MSRA: variants seen among roughly 807,000 people sequenced by gnomAD.
MSRA encodes the protein mitochondrial peptide methionine sulfoxide reductase.
A neutral mutation model predicts 31.3 loss-of-function variants in MSRA; 54 were observed. That is an observed-to-expected ratio of 1.73 (90% CI 1.39 to 2.17). The LOEUF (loss-of-function observed/expected upper bound fraction) is 2.17, where lower values mean the gene tolerates loss of function less well. MSRA is among the 30% of genes most tolerant of loss of function. MSRA has a pLI of 0.00. For synonymous variants in MSRA, 169 were observed against 116.5 expected (o/e 1.45, Z -2.90); for missense variants, 507 against 300.9 (o/e 1.69, Z -5.07).
chr8:10,159,188 G>A (rs1371333294), intron 1 of MSRA, among the ~76,000 whole-genome samples: 1 of 152,200 alleles, frequency 6.6e-6, no homozygotes, highest in Non-Finnish European at 1.5e-5. Context: ...GTAAGAATTT[G>A]TGATTGGTCA....
intron 5 of MSRA, among the ~76,000 whole-genome samples, chr8:10,384,628 G>T (rs917780213): frequency 6.6e-6 from 1 of 152,194 alleles, no homozygotes; most frequent in Non-Finnish European, 1.5e-5. Context: ...GAAGCTTCCA[G>T]GTGTTTTCAG....
At chr8:10,355,237 G>C (rs1477074952) in intron 5 of MSRA, among the ~76,000 whole-genome samples, 1 of 152,182 alleles carries the variant, frequency 6.6e-6, no homozygotes, top group Non-Finnish European at 1.5e-5. Context: ...AGTTTGCATG[G>C]AAGTGCTGAG....
intron 3 of MSRA, among the ~76,000 whole-genome samples, chr8:10,275,509 C>A (rs1799275639): frequency 6.6e-6 from 1 of 152,196 alleles, no homozygotes; most frequent in Non-Finnish European, 1.5e-5. Context: ...CTCTGTACAG[C>A]CTCTTTATTG....
intron 1 of MSRA, among the ~76,000 whole-genome samples, chr8:10,113,789 T>G (rs1444767919): frequency 1.3e-5 from 2 of 152,002 alleles, no homozygotes; most frequent in African/African-American, 4.8e-5. Context: ...AAAAAAAGAT[T>G]ATTAATTGTT....
chr8:10,091,426 G>A (rs1798847531), intron 1 of MSRA, among the ~76,000 whole-genome samples: 1 of 152,098 alleles, frequency 6.6e-6, no homozygotes, highest in Non-Finnish European at 1.5e-5. Flanking sequence ...AGGCCAAATA[G>A]TATTCCGTTT....
intron 3 of MSRA, among the ~76,000 whole-genome samples, chr8:10,294,331 A>C (rs986360509): frequency 2.0e-5 from 3 of 152,230 alleles, no homozygotes; most frequent in Non-Finnish European, 2.9e-5. Flanking sequence ...CGCTGCCATG[A>C]AGAAAGGTGA....
intron 1 of MSRA, 106 bp downstream of exon 1, chr8:10,054,764 G>T (rs1802220436): frequency 1.6e-6 from 2 of 1,259,804 alleles, no homozygotes; most frequent in East Asian, 3.3e-5. Flanking sequence ...GGCTGGCCTC[G>T]GGCGGGTCGC....
chr8:10,162,864 G>A (rs183680689), intron 1 of MSRA, among the ~76,000 whole-genome samples: 55 of 152,218 alleles, frequency 3.6e-4, no homozygotes, highest in Middle Eastern at 3.4e-3. Flanking sequence ...AGCCCTCCCC[G>A]CCTCAGCCAC....
chr8:10,129,110 C>T (rs1050251181), intron 1 of MSRA, among the ~76,000 whole-genome samples: 3 of 152,170 alleles, frequency 2.0e-5, no homozygotes, highest in Admixed American at 6.5e-5. Flanking sequence ...TTGATGATTC[C>T]ATCATCCAGA....
At chr8:10,128,438 G>T (rs758982672) in intron 1 of MSRA, among the ~76,000 whole-genome samples, 1 of 151,928 alleles carries the variant, frequency 6.6e-6, no homozygotes, top group African/African-American at 2.4e-5. Flanking sequence ...ACATAAACAC[G>T]TTCAGGATCA....
chr8:10,311,475 G>GT (rs1008847662), intron 4 of MSRA, among the ~76,000 whole-genome samples: 1 of 152,008 alleles, frequency 6.6e-6, no homozygotes, highest in Non-Finnish European at 1.5e-5. Context: ...CCACACCTGG[G>GT]GGGGCGCCTT....
At chr8:10,213,347 C>G (rs1163053001) in intron 2 of MSRA, among the ~76,000 whole-genome samples, 1 of 150,660 alleles carries the variant, frequency 6.6e-6, no homozygotes, top group Non-Finnish European at 1.5e-5. Context: ...GTTGTTGCAA[C>G]ACTATGTTGC....
At chr8:10,175,455 C>T (rs1805966197) in intron 1 of MSRA, among the ~76,000 whole-genome samples, 1 of 152,262 alleles carries the variant, frequency 6.6e-6, no homozygotes, top group East Asian at 1.9e-4. Flanking sequence ...ACAGGATCAA[C>T]AAGTGTTGAC....
chr8:10,163,452 G>C (rs1463608008), intron 1 of MSRA, among the ~76,000 whole-genome samples: 1 of 152,192 alleles, frequency 6.6e-6, no homozygotes, highest in Non-Finnish European at 1.5e-5. Context: ...GCCGCTGCTT[G>C]GCCCGTTTCA....
intron 1 of MSRA, among the ~76,000 whole-genome samples, chr8:10,140,888 G>A (rs776848569): frequency 6.6e-6 from 1 of 152,050 alleles, no homozygotes; most frequent in Non-Finnish European, 1.5e-5. Context: ...AGACACACTC[G>A]GAGACTTCAC....
At chr8:10,057,828 G>A (rs1197969275) in intron 1 of MSRA, among the ~76,000 whole-genome samples, 2 of 152,232 alleles carry the variant, frequency 1.3e-5, no homozygotes, top group Non-Finnish European at 2.9e-5. Context: ...TGTACAGGCT[G>A]TGAAACTGTG....
At chr8:10,193,337 C>T (rs967949011) in intron 1 of MSRA, among the ~76,000 whole-genome samples, 1 of 152,208 alleles carries the variant, frequency 6.6e-6, no homozygotes, top group African/African-American at 2.4e-5. Context: ...ACTGCGCAGG[C>T]TCCAGAGTGG....
intron 5 of MSRA, among the ~76,000 whole-genome samples, chr8:10,340,893 T>G (rs1432485992): frequency 6.6e-6 from 1 of 152,202 alleles, no homozygotes. Context: ...ACAGTTCTTG[T>G]GTGGTAATCA....
intron 1 of MSRA, among the ~76,000 whole-genome samples, chr8:10,138,365 G>A (rs1802447581): frequency 6.6e-6 from 1 of 152,148 alleles, no homozygotes; most frequent in South Asian, 2.1e-4. Context: ...CACAGTGAAG[G>A]GAGAAGGAGA....
Sources: allele counts gnomAD v4.1 joint callset (sites outside exome capture counted in the v4.1 genomes callset), GRCh38; gene constraint gnomAD v4.1.1; transcripts MANE v1.5; gene names NCBI Gene and HGNC (gene_info 2026-07-23, HGNC 2026-07-21).